FBXL17: variants seen among roughly 807,000 people sequenced by gnomAD.
FBXL17 encodes the protein F-box/LRR-repeat protein 17.
A neutral mutation model predicts 66.2 loss-of-function variants in FBXL17; 22 were observed. The observed-to-expected ratio is 0.33, with a 90% CI of 0.24 to 0.47. The LOEUF (loss-of-function observed/expected upper bound fraction) is 0.47, where lower values mean the gene tolerates loss of function less well. FBXL17 is among the 20% of genes least tolerant of loss of function. FBXL17 has a pLI of 1.00. For synonymous variants in FBXL17, 474 were observed against 400.5 expected (o/e 1.18, Z -2.19); for missense variants, 878 against 948.2 (o/e 0.93, Z 0.97).
At chr5:108,376,751 AC>A (rs1749450512) in intron 1 of FBXL17, among the ~76,000 whole-genome samples, 1 of 150,560 alleles carries the variant, frequency 6.6e-6, no homozygotes, top group Non-Finnish European at 1.5e-5. Flanking sequence ...GTTGTTAAAA[AC>A]TGGACATTTT....
chr5:107,936,876 A>T (rs1750923590), intron 7 of FBXL17, among the ~76,000 whole-genome samples: 1 of 152,158 alleles, frequency 6.6e-6, no homozygotes, highest in Non-Finnish European at 1.5e-5. Flanking sequence ...CAAGATGAAC[A>T]GCTTTACCCA....
At chr5:107,934,290 T>G (rs996739852) in intron 7 of FBXL17, among the ~76,000 whole-genome samples, 1 of 152,258 alleles carries the variant, frequency 6.6e-6, no homozygotes. Flanking sequence ...TCGAGAACAA[T>G]TCTAGTTAAA....
At chr5:108,069,568 G>T (rs1160623454) in intron 6 of FBXL17, among the ~76,000 whole-genome samples, 2 of 152,170 alleles carry the variant, frequency 1.3e-5, no homozygotes, top group Non-Finnish European at 2.9e-5. Flanking sequence ...AGTCACAAAG[G>T]AAATTATACT....
chr5:107,969,467 T>C (rs115074268), intron 7 of FBXL17, among the ~76,000 whole-genome samples: 2 of 152,262 alleles, frequency 1.3e-5, no homozygotes, highest in African/African-American at 2.4e-5. Context: ...AATAAAGATA[T>C]CTTTCTTCAT....
In FBXL17 at chr5:108,375,038, A is replaced by G. The variant is rs554102177; in HGVS notation, c.993+5661T>C. Among the ~76,000 whole-genome samples the G allele has an allele frequency of 3.3e-5, 5 of 152,258 alleles. No individual in the cohort carries two copies. In the South Asian group the frequency reaches 1.0e-3, roughly 32 times the overall value. On this transcript the variant is annotated intron_variant, in intron 1 of 8. Coordinates refer to ENST00000542267, the MANE Select transcript of FBXL17 (RefSeq NM_001163315.3). ...TAGACTAGAAAAATAATAGATGATC[A>G]ACAAAACCAAAAGTTTATTCTTTAA...
At chr5:108,060,554 G>A (rs1747880678) in intron 6 of FBXL17, among the ~76,000 whole-genome samples, 2 of 152,036 alleles carry the variant, frequency 1.3e-5, no homozygotes. Flanking sequence ...GTCTCTTATT[G>A]TCTAGTTACA....
intron 6 of FBXL17, among the ~76,000 whole-genome samples, chr5:108,078,128 T>G (rs1478730150): frequency 6.6e-6 from 1 of 152,206 alleles, no homozygotes; most frequent in Non-Finnish European, 1.5e-5. Context: ...TAAAAATCTG[T>G]TTGCCTACAT....
At chr5:107,959,102 A>G (rs919025917) in intron 7 of FBXL17, among the ~76,000 whole-genome samples, 8 of 151,978 alleles carry the variant, frequency 5.3e-5, no homozygotes, top group African/African-American at 1.9e-4. Context: ...ACACGCCATG[A>G]TATTTCTGAT....
At chr5:108,022,203 C>CA (rs1328530187) in intron 6 of FBXL17, among the ~76,000 whole-genome samples, 2 of 151,588 alleles carry the variant, frequency 1.3e-5, no homozygotes, top group Non-Finnish European at 3.0e-5. Flanking sequence ...TTCCCCTATT[C>CA]AAAAAAGATC....
intron 7 of FBXL17, among the ~76,000 whole-genome samples, chr5:107,977,050 C>T (rs1258779483): frequency 1.3e-5 from 2 of 152,104 alleles, no homozygotes; most frequent in Non-Finnish European, 2.9e-5. Context: ...ATATGCTTAT[C>T]GCTTGCCACT....
chr5:108,337,677 AG>A (rs1426697334), intron 4 of FBXL17, among the ~76,000 whole-genome samples: 1 of 150,120 alleles, frequency 6.7e-6, no homozygotes, highest in Admixed American at 6.7e-5. Context: ...GGAAGAAAGA[AG>A]AAGAGTGATA....
chr5:107,980,108 T>TTTTTAATAAATTTAA (rs1427641537), intron 7 of FBXL17, among the ~76,000 whole-genome samples: 3 of 152,192 alleles, frequency 2.0e-5, no homozygotes, highest in African/African-American at 7.2e-5. Context: ...TAAAAAGACC[T>TTTTTAATAAATTTAA]TAAACTGCAT....
chr5:108,271,826 AG>A (rs1757281635), intron 4 of FBXL17, among the ~76,000 whole-genome samples: 1 of 152,208 alleles, frequency 6.6e-6, no homozygotes, highest in Non-Finnish European at 1.5e-5. Flanking sequence ...TCTCCAAAAC[AG>A]GAATTTCTGG....
intron 4 of FBXL17, among the ~76,000 whole-genome samples, chr5:108,232,127 A>C (rs760630403): frequency 7.2e-5 from 11 of 152,232 alleles, no homozygotes; most frequent in Non-Finnish European, 1.3e-4. Flanking sequence ...TTTTGTTAAA[A>C]ACATGTTTGT....
chr5:108,315,320 A>C (rs1759310478), intron 4 of FBXL17, among the ~76,000 whole-genome samples: 1 of 151,368 alleles, frequency 6.6e-6, no homozygotes, highest in African/African-American at 2.4e-5. Context: ...TTAACATACA[A>C]ATAGTAACAT....
chr5:107,930,102 A>G (rs574412437), intron 7 of FBXL17, among the ~76,000 whole-genome samples: 1 of 151,970 alleles, frequency 6.6e-6, no homozygotes, highest in Admixed American at 6.6e-5. Flanking sequence ...GCCAAAGTAA[A>G]TTTTTCAAAC....
chr5:107,937,452 G>A (rs1750947721), intron 7 of FBXL17, among the ~76,000 whole-genome samples: 1 of 152,152 alleles, frequency 6.6e-6, no homozygotes, highest in Non-Finnish European at 1.5e-5. Flanking sequence ...GCTGTTGTAG[G>A]TTGTCATGGG....
Position 108,092,328 on chromosome 5 carries a change from C to T in FBXL17, c.1746-71327G>A, listed in dbSNP as rs541716643. On this transcript the variant is annotated intron_variant, in intron 6 of 8. Transcript: ENST00000542267. ...AGTCTCTTTATTAGTTTTTTTTAGG[C>T]AGGGTCTCACTCCTGTTGCACAGGT... 2.0e-4 allele frequency among the ~76,000 whole-genome samples: 31 copies of T among 152,154 alleles called. 1 individual carries two copies. The South Asian group carries it at 5.6e-3, about 28-fold the overall frequency.
chr5:108,013,059 A>AT, intron 7 of FBXL17, among the ~76,000 whole-genome samples: 1 of 150,996 alleles, frequency 6.6e-6, no homozygotes, highest in African/African-American at 2.4e-5. Context: ...AAAGTGGAAT[A>AT]TTAATAAAAT....
Sources: allele counts gnomAD v4.1 joint callset (sites outside exome capture counted in the v4.1 genomes callset), GRCh38; gene constraint gnomAD v4.1.1; transcripts MANE v1.5; gene names NCBI Gene and HGNC (gene_info 2026-07-23, HGNC 2026-07-21).